ANO1: variants seen among roughly 807,000 people sequenced by gnomAD.
The protein encoded by ANO1 is anoctamin 1.
ANO1 carries 59 observed loss-of-function variants against 124.0 expected under a neutral mutation model. The observed-to-expected ratio is 0.48, with a 90% CI of 0.39 to 0.59. The LOEUF (loss-of-function observed/expected upper bound fraction) is 0.59, where lower values mean the gene tolerates loss of function less well. ANO1 is among the 20% of genes least tolerant of loss of function. ANO1 has a pLI of 0.00. For synonymous variants in ANO1, 529 were observed against 532.0 expected (o/e 0.99, Z 0.08); for missense variants, 1,059 against 1,328.0 (o/e 0.80, Z 3.15).
chr11:70,078,577 C>T lies in ANO1; in HGVS notation c.-30C>T. On this transcript the variant is annotated 5_prime_UTR_variant, in exon 1 of 26. Transcript: ENST00000355303. ...GGCCGTGGATGGGGAGGGCGCGCCGCCCGGCGGTCCCAGCGCACAGGCGGC... is the reference window on the plus strand; with the variant it reads ...GGCCGTGGATGGGGAGGGCGCGCCGTCCGGCGGTCCCAGCGCACAGGCGGC... 1.8e-5 allele frequency: 25 copies of T among 1,421,280 alleles called. No individual in the cohort carries two copies. Among genetic ancestry groups the T allele is most frequent in the Non-Finnish European group, 2.2e-5 (24 of 1,069,258 alleles). 88.0% of individuals were successfully genotyped at this position (1,421,280 alleles called of 1,614,324 possible). A position where few individuals can be genotyped will look rare whatever the true frequency, so the allele number is the denominator to read the frequency against.
chr11:70,084,436 G>A (rs545765620), intron 1 of ANO1, among the ~76,000 whole-genome samples: 2 of 152,298 alleles, frequency 1.3e-5, no homozygotes, highest in South Asian at 2.1e-4. Flanking sequence ...TAGATGGAGC[G>A]TCCATCCTGG....
intron 1 of ANO1, among the ~76,000 whole-genome samples, chr11:70,001,378 C>T (rs1554999233): frequency 1.3e-5 from 2 of 152,158 alleles, no homozygotes; most frequent in Non-Finnish European, 2.9e-5. Flanking sequence ...AAAGTGTCCC[C>T]AGCAGCATTG....
intron 22 of ANO1, 133 bp downstream of exon 22, chr11:70,171,172 CG>C: frequency 7.7e-7 from 1 of 1,293,974 alleles, no homozygotes; most frequent in African/African-American, 1.5e-5. Context: ...CAGCCTTTGC[CG>C]GGTGGAGCCT....
Position 70,031,286 on chromosome 11 carries a change from C to T in ANO1, c.58+45120C>T, listed in dbSNP as rs573490628. On this transcript the variant is annotated intron_variant, in intron 1 of 27. Coordinates refer to the ANO1 transcript ENST00000531349. The stretch of plus-strand genomic sequence containing the variant: ...ATATATGTATACAACATGGTATCAT[C>T]AAATCAAGCTAATTAGCATATCTAT... Among the ~76,000 whole-genome samples, 9 of 152,300 alleles carry T rather than the reference C, an allele frequency of 5.9e-5. No individual in the cohort carries two copies. The South Asian group carries it at 1.9e-3, about 32-fold the overall frequency.
intron 1 of ANO1, among the ~76,000 whole-genome samples, chr11:70,047,129 A>T (rs1399513350): frequency 1.3e-5 from 2 of 151,808 alleles, no homozygotes; most frequent in African/African-American, 4.8e-5. Flanking sequence ...GACATTAAGT[A>T]AAAACTAAGA....
At chr11:70,043,586 A>G (rs1232231205) in intron 1 of ANO1, among the ~76,000 whole-genome samples, 1 of 152,204 alleles carries the variant, frequency 6.6e-6, no homozygotes, top group Non-Finnish European at 1.5e-5. Flanking sequence ...AGTCAGAGAA[A>G]AAGGACATAT....
chr11:70,087,016 C>T (rs868379904), intron 1 of ANO1, among the ~76,000 whole-genome samples: 18 of 152,368 alleles, frequency 1.2e-4, no homozygotes, highest in African/African-American at 4.1e-4. Context: ...TTTGCACGCA[C>T]AGAACCTGAG....
intron 11 of ANO1, among the ~76,000 whole-genome samples, chr11:70,148,875 A>C (rs2047480383): frequency 6.6e-6 from 1 of 152,202 alleles, no homozygotes; most frequent in Admixed American, 6.5e-5. Context: ...ACCGTGGGCA[A>C]GACAGATGCA....
chr11:70,010,925 T>C (rs1431999034), intron 1 of ANO1, among the ~76,000 whole-genome samples: 1 of 152,236 alleles, frequency 6.6e-6, no homozygotes, highest in Admixed American at 6.5e-5. Context: ...TCCACAACCA[T>C]GTGTGCTCCC....
intron 22 of ANO1, among the ~76,000 whole-genome samples, chr11:70,177,389 G>T (rs1463332292): frequency 1.3e-5 from 2 of 152,166 alleles, no homozygotes; most frequent in African/African-American, 4.8e-5. Flanking sequence ...CAACTCTCTA[G>T]TGGGGGTCTG....
At position 70,110,898 on chromosome 11, in the gene ANO1, G is replaced by A. The variant is rs796241169; in HGVS notation, c.800-809G>A. ...CTCTCGCAGTCTCCTGGGGCTGGGCGCCCGCATGCGCACCTGTTAGGACAC... is the reference window on the plus strand; with the variant it reads ...CTCTCGCAGTCTCCTGGGGCTGGGCACCCGCATGCGCACCTGTTAGGACAC... On this transcript the variant is annotated intron_variant, in intron 6 of 25. Coordinates refer to ENST00000355303, the MANE Select transcript of ANO1 (RefSeq NM_018043.7). Among the ~76,000 whole-genome samples the A allele has an allele frequency of 4.6e-5, 7 of 152,364 alleles. No individual in the cohort carries two copies. In the South Asian group the frequency reaches 8.3e-4, roughly 18 times the overall value.
chr11:70,158,967 G>C (rs928449843), intron 16 of ANO1, among the ~76,000 whole-genome samples: 1 of 152,078 alleles, frequency 6.6e-6, no homozygotes, highest in Non-Finnish European at 1.5e-5. Flanking sequence ...GGAGATAACC[G>C]GAGCCTCCCC....
At chr11:70,160,614 C>T (rs530241824) in intron 16 of ANO1, among the ~76,000 whole-genome samples, 1 of 152,296 alleles carries the variant, frequency 6.6e-6, no homozygotes, top group African/African-American at 2.4e-5. Flanking sequence ...CATCCCAGGC[C>T]ACACCTGCCT....
intron 21 of ANO1, chr11:70,170,214 G>A (rs12281923): frequency 0.01 from 4,660 of 453,774 alleles, 92 homozygotes; most frequent in African/African-American, 0.055. Context: ...AAGCAGCAGG[G>A]CCACTGCCAC....
rs180703119 is a variant in ANO1 at position 70,025,080 on chromosome 11, T to C, written c.58+38914T>C. ...TGAAAATAAAAGCCTTCCATGGCTG[T>C]TCAGGAAACCACATGGGCTGGAGCT... On this transcript the variant is annotated intron_variant, in intron 1 of 27. Transcript: ENST00000531349. Among the ~76,000 whole-genome samples the C allele has an allele frequency of 4.0e-3, 606 of 152,288 alleles. 3 individuals are homozygous for C. The highest frequency in any genetic ancestry group is 6.8e-3 in the Middle Eastern group (2 of 294).
chr11:70,091,095 C>T (rs904403529), intron 2 of ANO1, among the ~76,000 whole-genome samples: 15 of 152,208 alleles, frequency 9.9e-5, no homozygotes, highest in Admixed American at 2.6e-4. Context: ...CTTGGGCACA[C>T]GCAGCGTCTG....
chr11:70,039,564 C>A (rs1555004816), intron 1 of ANO1, among the ~76,000 whole-genome samples: 1 of 151,082 alleles, frequency 6.6e-6, no homozygotes, highest in Non-Finnish European at 1.5e-5. Context: ...TCCCACCTCC[C>A]CTTCCGCAGG....
At chr11:70,144,290 G>C (rs2047267662) in intron 11 of ANO1, among the ~76,000 whole-genome samples, 1 of 152,178 alleles carries the variant, frequency 6.6e-6, no homozygotes, top group South Asian at 2.1e-4. Flanking sequence ...CAAGCCCTTA[G>C]AGATGCGGGC....
At chr11:70,061,342 C>T (rs556161081) in intron 1 of ANO1, among the ~76,000 whole-genome samples, 1 of 152,076 alleles carries the variant, frequency 6.6e-6, no homozygotes, top group Non-Finnish European at 1.5e-5. Flanking sequence ...GAGAAAGGGC[C>T]TGGCCAAATT....
Sources: allele counts gnomAD v4.1 joint callset (sites outside exome capture counted in the v4.1 genomes callset), GRCh38; gene constraint gnomAD v4.1.1; transcripts MANE v1.5; gene names NCBI Gene and HGNC (gene_info 2026-07-23, HGNC 2026-07-21).